Variants in NCAPD3 observed in about 807,000 individuals in gnomAD.
The protein encoded by NCAPD3 is non-SMC condensin II complex subunit D3, also known as condensin-2 complex subunit D3.
Under a neutral mutation model 182.9 loss-of-function variants are expected in NCAPD3, and 105 were observed. The observed-to-expected ratio is 0.57, with a 90% confidence interval of 0.49 to 0.68. The LOEUF is 0.68. Ranked by LOEUF, NCAPD3 falls within the 30% of genes least tolerant of loss-of-function variation. NCAPD3 has a pLI of 0.00. For missense variants in NCAPD3, 1,944 were observed against 1,837.0 expected (o/e 1.06, Z -1.07); for synonymous variants, 815 against 679.9 (o/e 1.20, Z -3.09).
At chr11:134,175,381 G>A (rs1379689570) in intron 24 of NCAPD3, among the ~76,000 whole-genome samples, 2 of 152,208 alleles carry the variant, frequency 1.3e-5, no homozygotes, top group Non-Finnish European at 2.9e-5. Flanking sequence ...TCTAAAAAAA[G>A]GTGACAGCCT....
chr11:134,161,550 G>A (rs1943579997), intron 28 of NCAPD3, among the ~76,000 whole-genome samples: 1 of 152,228 alleles, frequency 6.6e-6, no homozygotes, highest in African/African-American at 2.4e-5. Context: ...GACGTGCTTG[G>A]CACAGTGGGC....
rs1943294132 is a variant in NCAPD3 at position 134,152,869 on chromosome 11, C to G, written c.*75G>C. On this transcript the variant is annotated 3_prime_UTR_variant, in exon 35 of 35. Coordinates refer to ENST00000534548, the MANE Select transcript of NCAPD3 (RefSeq NM_015261.3). The stretch of plus-strand genomic sequence containing the variant: ...CCAAGGACTGCGGGAAGTGATCCAG[C>G]TGCCTTCACACGGAGGACACGAGAC... 2 of 1,212,884 alleles carry G rather than the reference C, an allele frequency of 1.6e-6. No homozygotes were observed. Among genetic ancestry groups the G allele is most frequent in the Non-Finnish European group, 2.3e-6 (2 of 860,840 alleles). 75.1% of individuals were successfully genotyped at this position (1,212,884 alleles called of 1,614,324 possible). A position where few individuals can be genotyped will look rare whatever the true frequency, so the allele number is the denominator to read the frequency against.
chr11:134,156,977 G>A, intron 32 of NCAPD3, 41 bp downstream of exon 32: 1 of 1,518,814 alleles, frequency 6.6e-7, no homozygotes, highest in Non-Finnish European at 9.1e-7. Context: ...GAATGCAGGA[G>A]AGACTGAGGA....
chr11:134,165,344 ACT>A (rs541080431), intron 27 of NCAPD3, among the ~76,000 whole-genome samples: 286 of 150,074 alleles, frequency 1.9e-3, no homozygotes, highest in Admixed American at 3.8e-3. Context: ...GGAGGGGCAC[ACT>A]CATGAGCTTG....
At chr11:134,159,097 A>G (rs1004203237) in intron 29 of NCAPD3, among the ~76,000 whole-genome samples, 5 of 152,222 alleles carry the variant, frequency 3.3e-5, no homozygotes, top group African/African-American at 9.6e-5. Flanking sequence ...AAATTTTGCT[A>G]TTGTGAACAG....
intron 3 of NCAPD3, among the ~76,000 whole-genome samples, 169 bp from the exon 4 acceptor site, chr11:134,210,623 A>G (rs1315384789): frequency 6.6e-6 from 1 of 152,256 alleles, no homozygotes; most frequent in Admixed American, 6.5e-5. Flanking sequence ...TAGAGGAGAC[A>G]GCGCTGCATC....
At chr11:134,218,122 G>GGGGT (rs1491461013) in intron 2 of NCAPD3, among the ~76,000 whole-genome samples, 1 of 46,362 alleles carries the variant, frequency 2.2e-5, no homozygotes, top group Non-Finnish European at 4.8e-5. Context: ...GGGGGGGGGG[G>GGGGT]AAGAAATCAT....
intron 8 of NCAPD3, among the ~76,000 whole-genome samples, chr11:134,205,869 C>T (rs1937601205): frequency 6.6e-6 from 1 of 152,182 alleles, no homozygotes; most frequent in South Asian, 2.1e-4. Context: ...TTTGCTCAGT[C>T]ACAAGATGAC....
chr11:134,193,259 T>C (rs775110258), intron 15 of NCAPD3, among the ~76,000 whole-genome samples: 4 of 152,208 alleles, frequency 2.6e-5, no homozygotes, highest in Non-Finnish European at 5.9e-5. Flanking sequence ...TGCCTTCTAT[T>C]ATGAAATAAA....
intron 16 of NCAPD3, among the ~76,000 whole-genome samples, chr11:134,190,543 G>C (rs967520589): frequency 2.0e-5 from 3 of 152,138 alleles, no homozygotes; most frequent in African/African-American, 7.2e-5. Flanking sequence ...CTGGAGTGCA[G>C]TGGTGCAATT....
At chr11:134,202,938 A>G in intron 12 of NCAPD3, 33 bp from the exon 13 acceptor site, 1 of 1,510,986 alleles carries the variant, frequency 6.6e-7, no homozygotes. Flanking sequence ...ATTAAGCTAA[A>G]AATGTGTTAT....
chr11:134,173,630 A>C (rs1944075911), intron 24 of NCAPD3: 1 of 152,302 alleles, frequency 6.6e-6, no homozygotes, highest in African/African-American at 2.4e-5. Flanking sequence ...TGATGCAGGG[A>C]CTGCCCTCCA....
intron 25 of NCAPD3, 46 bp downstream of exon 25, chr11:134,168,871 G>C (rs774041626): frequency 3.1e-6 from 5 of 1,587,744 alleles, no homozygotes; most frequent in Non-Finnish European, 4.3e-6. Flanking sequence ...GATTCCCCCA[G>C]CTCTTACCCA....
intron 1 of NCAPD3, among the ~76,000 whole-genome samples, chr11:134,222,688 A>G (rs1480938467): frequency 6.6e-6 from 1 of 152,220 alleles, no homozygotes; most frequent in Non-Finnish European, 1.5e-5. Context: ...CTGGGGGAGG[A>G]GGGAGAGGAA....
rs771571301 is a variant in NCAPD3 at position 134,217,006 on chromosome 11, A to G, written c.312T>C (p.Asn104=). Residue 104 remains asparagine, a synonymous_variant, in exon 3 of 35, where the codon AAT becomes AAC. Coordinates refer to ENST00000534548, the MANE Select transcript of NCAPD3 (RefSeq NM_015261.3). ...CATATTCTCGATACTGTACACTGAC[A>G]TTCTTCTTATGAACTATTTGAACAA... The part of the protein sequence containing the change: ...YHFVQIVHKK[N]VSVQYREYGL... The G allele has an allele frequency of 1.2e-6, 2 of 1,614,076 alleles. No individual in the cohort carries two copies. The highest frequency in any genetic ancestry group is 1.7e-6 in the Non-Finnish European group (2 of 1,179,986).
chr11:134,153,114 C>G (rs1490263549), intron 34 of NCAPD3, 26 bp downstream of exon 34: 2 of 1,613,370 alleles, frequency 1.2e-6, no homozygotes, highest in Non-Finnish European at 1.7e-6. Context: ...AAACATCCAC[C>G]TCAAAAGGAA....
At chr11:134,168,355 C>T (rs1459512476) in intron 26 of NCAPD3, 114 bp downstream of exon 26, 1 of 1,520,492 alleles carries the variant, frequency 6.6e-7, no homozygotes, top group African/African-American at 1.4e-5. Flanking sequence ...GACAAGATGA[C>T]AGGGGTCTTC....
chr11:134,194,980 G>A (rs953725787), intron 13 of NCAPD3, among the ~76,000 whole-genome samples: 4 of 152,158 alleles, frequency 2.6e-5, no homozygotes, highest in African/African-American at 9.7e-5. Context: ...CTCTAAAATT[G>A]TGAATGAATT....
intron 27 of NCAPD3, among the ~76,000 whole-genome samples, chr11:134,165,621 G>A (rs889922306): frequency 3.0e-5 from 4 of 133,210 alleles, no homozygotes; most frequent in Non-Finnish European, 4.8e-5. Context: ...GCGCACACTC[G>A]TGAGATGAGC....
Sources: allele counts gnomAD v4.1 joint callset (sites outside exome capture counted in the v4.1 genomes callset), GRCh38; gene constraint gnomAD v4.1.1; transcripts MANE v1.5; gene names NCBI Gene and HGNC (gene_info 2026-07-23, HGNC 2026-07-21).